CACNA1C: variants seen among roughly 807,000 people sequenced by gnomAD.
CACNA1C encodes calcium voltage-gated channel subunit alpha1 C, also known as voltage-dependent L-type calcium channel subunit alpha-1C.
Under a neutral mutation model 229.0 loss-of-function variants are expected in CACNA1C, and 30 were observed. That is an observed-to-expected ratio of 0.13 (90% CI 0.10 to 0.18). The LOEUF is 0.18. Ranked by LOEUF, CACNA1C falls within the 10% of genes least tolerant of loss-of-function variation. CACNA1C has a pLI of 1.00. For synonymous variants in CACNA1C, 1,114 were observed against 1,132.5 expected, an observed-to-expected ratio of 0.98 and a Z score of 0.33; for missense variants, 1,658 against 2,845.0, an observed-to-expected ratio of 0.58 and a Z score of 9.49.
chr12:2,275,443 C>A lies in CACNA1C; in HGVS notation c.477+155013C>A, dbSNP rs373567008. On this transcript the variant is annotated intron_variant, in intron 3 of 46. Transcript: ENST00000399655. The surrounding 1 kb of genome is among the most constrained non-coding windows in gnomAD (Gnocchi z 4.1). ...GGTGAGCCCGCCAGCTGTACCGCAT[C>A]GCTCTGTGCATGTGACCTAGCTCTC... 1.4e-4 allele frequency among the ~76,000 whole-genome samples: 22 copies of A among 152,250 alleles called. No homozygotes were observed. The South Asian group carries it at 1.7e-3, about 11-fold the overall frequency.
chr12:2,325,912 T>C (rs765985753), intron 3 of CACNA1C, among the ~76,000 whole-genome samples: 9 of 152,226 alleles, frequency 5.9e-5, no homozygotes, highest in Non-Finnish European at 1.3e-4. Flanking sequence ...CACCAGCCGC[T>C]ACTGTGTGTG....
intron 1 of CACNA1C, among the ~76,000 whole-genome samples, chr12:2,031,567 A>G (rs1256541122): frequency 6.6e-6 from 1 of 152,184 alleles, no homozygotes; most frequent in African/African-American, 2.4e-5. Flanking sequence ...TTCTATGGAC[A>G]TGAAGCTTGA....
intron 5 of CACNA1C, among the ~76,000 whole-genome samples, chr12:2,484,909 CT>C (rs3058705): frequency 1.3e-3 from 191 of 145,272 alleles, no homozygotes; most frequent in Admixed American, 1.5e-3. Context: ...TCTCTTCTTT[CT>C]TTTTTTTTTT....
At position 2,271,882 on chromosome 12, in the gene CACNA1C, T is replaced by A. The variant is rs1033326912; in HGVS notation, c.477+151452T>A. 2.0e-5 allele frequency among the ~76,000 whole-genome samples: 3 copies of A among 151,824 alleles called. No homozygotes were observed. In the South Asian group the frequency reaches 6.2e-4, roughly 32 times the overall value. ...CTGTACTCCAGCCTGGGTGAGAGAGTGAGACTGTCTAAAAAAAAATGTTTA... is the reference window on the plus strand; with the variant it reads ...CTGTACTCCAGCCTGGGTGAGAGAGAGAGACTGTCTAAAAAAAAATGTTTA... On this transcript the variant is annotated intron_variant, in intron 3 of 46. Coordinates refer to ENST00000399655, the MANE Select transcript of CACNA1C (RefSeq NM_000719.7).
chr12:2,218,646 T>C (rs1477872015), intron 3 of CACNA1C, among the ~76,000 whole-genome samples: 1 of 152,222 alleles, frequency 6.6e-6, no homozygotes, highest in Non-Finnish European at 1.5e-5. Flanking sequence ...TTAGGATGGC[T>C]TGTTCCAAAT....
intron 30 of CACNA1C, among the ~76,000 whole-genome samples, chr12:2,635,051 G>C (rs1052494888): frequency 6.6e-6 from 1 of 152,188 alleles, no homozygotes. Flanking sequence ...CTCTTCTCTA[G>C]AGGTGGTGGG....
In CACNA1C at chr12:2,633,772, A is replaced by G. The variant is rs216022; in HGVS notation, c.3829-525A>G. The G allele has an allele frequency of 5.5e-3, 4,956 of 899,354 alleles. 189 individuals carry two copies. In the African/African-American group the frequency reaches 0.073, roughly 13 times the overall value. 55.7% of individuals were successfully genotyped at this position (899,354 alleles called of 1,614,324 possible). A position where few individuals can be genotyped will look rare whatever the true frequency, so the allele number is the denominator to read the frequency against. On this transcript the variant is annotated intron_variant, in intron 29 of 46. Coordinates refer to ENST00000399655, the MANE Select transcript of CACNA1C (RefSeq NM_000719.7). The surrounding 1 kb of genome is among the most constrained non-coding windows in gnomAD (Gnocchi z 5.8). ...TCATTCCTCCTCCTCTGCCTCGTCTATTTCTCTCTCTCTCACTCTCTCTGT... is the reference window on the plus strand; with the variant it reads ...TCATTCCTCCTCCTCTGCCTCGTCTGTTTCTCTCTCTCTCACTCTCTCTGT...
chr12:2,554,666 T>C (rs920434641), intron 10 of CACNA1C, among the ~76,000 whole-genome samples: 7 of 152,172 alleles, frequency 4.6e-5, no homozygotes, highest in African/African-American at 1.4e-4. Context: ...GGAGCACCTT[T>C]CCAGCCCAGA....
rs1035015385 is a variant in CACNA1C at position 2,346,419 on chromosome 12, C to T, written c.478-102557C>T. Among the ~76,000 whole-genome samples, 4 of 152,140 alleles carry T rather than the reference C, an allele frequency of 2.6e-5. No individual in the cohort carries two copies. Among genetic ancestry groups the T allele is most frequent in the Non-Finnish European group, 4.4e-5 (3 of 68,028 alleles). ...GCAAGACTGTGTTCCACCCCCTTCCCCAGGCTTGGGACAAGCTCACATTCC... is the reference window on the plus strand; with the variant it reads ...GCAAGACTGTGTTCCACCCCCTTCCTCAGGCTTGGGACAAGCTCACATTCC... On this transcript the variant is annotated intron_variant, in intron 3 of 46. Transcript: ENST00000399655. This position sits in a 1 kb window ranked among gnomAD's most constrained non-coding sequence, Gnocchi z 4.4.
chr12:1,989,991 G>A (rs560118781), intron 1 of CACNA1C, among the ~76,000 whole-genome samples: 7 of 152,232 alleles, frequency 4.6e-5, no homozygotes, highest in African/African-American at 9.6e-5. Context: ...ACCTTGGAGC[G>A]TACTCTAAAA....
chr12:2,025,361 T>C (rs757411147), intron 1 of CACNA1C, among the ~76,000 whole-genome samples: 11 of 152,152 alleles, frequency 7.2e-5, no homozygotes, highest in Non-Finnish European at 1.6e-4. Flanking sequence ...ATGGTTGACA[T>C]CCATTAGGTG....
intron 3 of CACNA1C, among the ~76,000 whole-genome samples, chr12:2,435,795 C>T (rs2099128766): frequency 1.3e-5 from 2 of 152,220 alleles, no homozygotes; most frequent in Non-Finnish European, 2.9e-5. Flanking sequence ...ACAGGAAAAT[C>T]TGCCCTCAGA....
At chr12:2,286,572 G>A (rs1376365143) in intron 3 of CACNA1C, among the ~76,000 whole-genome samples, 1 of 152,170 alleles carries the variant, frequency 6.6e-6, no homozygotes, top group African/African-American at 2.4e-5. Flanking sequence ...CTGAAGAACA[G>A]GTCTGTGAGG....
intron 34 of CACNA1C, among the ~76,000 whole-genome samples, chr12:2,655,696 C>G (rs1329664669): frequency 6.6e-6 from 1 of 152,226 alleles, no homozygotes; most frequent in South Asian, 2.1e-4. Context: ...CTCACTTAAT[C>G]CTCAACACAA....
intron 1 of CACNA1C, chr12:2,010,884 C>T (rs191889685): frequency 3.0e-4 from 45 of 152,242 alleles, no homozygotes; most frequent in African/African-American, 1.1e-3. Context: ...CACGGTGGCT[C>T]ACGCCTGTAA....
At chr12:2,324,553 C>A (rs2096196729) in intron 3 of CACNA1C, among the ~76,000 whole-genome samples, 1 of 152,264 alleles carries the variant, frequency 6.6e-6, no homozygotes, top group African/African-American at 2.4e-5. Flanking sequence ...CCCGCCTCCC[C>A]AGGAGAAAAG....
chr12:2,519,907 A>T (rs1446147838), intron 9 of CACNA1C, among the ~76,000 whole-genome samples: 1 of 152,220 alleles, frequency 6.6e-6, no homozygotes, highest in East Asian at 1.9e-4. Context: ...CCGTAAGTGT[A>T]CAAATGCCAT....
chr12:2,367,254 A>G (rs146081834), intron 3 of CACNA1C, among the ~76,000 whole-genome samples: 152 of 152,324 alleles, frequency 1.0e-3, no homozygotes, highest in Middle Eastern at 3.4e-3. Flanking sequence ...AGCTCTTATG[A>G]GAATCTAATG....
chr12:2,055,981 A>G (rs2299656), intron 1 of CACNA1C, among the ~76,000 whole-genome samples: 11,747 of 152,204 alleles, frequency 0.077, 1,048 homozygotes, highest in East Asian at 0.48. Flanking sequence ...CGGGTGAGCC[A>G]TCATAGGGGT....
Sources: gnomAD v4.1 joint callset for allele counts (sites outside exome capture counted in the v4.1 genomes callset) on GRCh38, gnomAD v4.1.1 for gene constraint, Gnocchi (gnomAD v3.1) non-coding constraint, MANE v1.5 for transcripts, NCBI Gene and HGNC (gene_info 2026-07-23, HGNC 2026-07-21) for gene names.